The following RPH3AL variants were observed in gnomAD, a reference collection of about 807,000 sequenced individuals.
The protein encoded by RPH3AL is rab effector Noc2.
In RPH3AL, 38 loss-of-function variants were observed where a neutral mutation model predicts 43.1. That is an observed-to-expected ratio of 0.88 (90% CI 0.68 to 1.15). The LOEUF is 1.15. Ranked by LOEUF, RPH3AL falls within the 50% of genes most tolerant of loss-of-function variation. The pLI is 0.00. For synonymous variants in RPH3AL, 189 were observed against 176.3 expected, an observed-to-expected ratio of 1.07 and a Z score of -0.57; for missense variants, 462 against 423.2, an observed-to-expected ratio of 1.09 and a Z score of -0.81.
intron 8 of RPH3AL, among the ~76,000 whole-genome samples, chr17:219,333 G>A (rs111574358): frequency 2.0e-5 from 3 of 148,036 alleles, no homozygotes; most frequent in African/African-American, 7.5e-5. Flanking sequence ...CAAGTAGCTG[G>A]GATTACAGGC....
In RPH3AL at chr17:235,512, C is replaced by T. The variant is rs1308884750; in HGVS notation, c.613+11599G>A. Among the ~76,000 whole-genome samples the T allele has an allele frequency of 1.5e-3, 207 of 141,544 alleles. 9 individuals are homozygous for T. Among genetic ancestry groups the T allele is most frequent in the Non-Finnish European group, 1.8e-3 (116 of 63,986 alleles). 92.9% of individuals were successfully genotyped at this position (141,544 alleles called of 152,430 possible). A position where few individuals can be genotyped will look rare whatever the true frequency, so the allele number is the denominator to read the frequency against. ...AACAAGACGGATCCAGGGTTCAAAGCTGGGGTCGGCGGAGGCTCCACACTA... is the reference window on the plus strand; with the variant it reads ...AACAAGACGGATCCAGGGTTCAAAGTTGGGGTCGGCGGAGGCTCCACACTA... On this transcript the variant is annotated intron_variant, in intron 7 of 9. Transcript: ENST00000331302.
chr17:256,098 T>A (rs1168873704), intron 6 of RPH3AL, among the ~76,000 whole-genome samples: 2 of 16,368 alleles, frequency 1.2e-4, no homozygotes, highest in African/African-American at 3.2e-4. Flanking sequence ...GTGACTACCC[T>A]ACGTACTTCC....
intron 1 of RPH3AL, among the ~76,000 whole-genome samples, chr17:350,741 G>A (rs2045337659): frequency 6.6e-6 from 1 of 152,210 alleles, no homozygotes; most frequent in African/African-American, 2.4e-5. Flanking sequence ...CTAAAAGGAT[G>A]AAATGGGAAT....
intron 6 of RPH3AL, among the ~76,000 whole-genome samples, chr17:263,158 C>T (rs1376036103): frequency 6.6e-6 from 1 of 152,138 alleles, no homozygotes; most frequent in Non-Finnish European, 1.5e-5. Flanking sequence ...ACCATCTAGA[C>T]AAGGAGGGAG....
At chr17:243,719 C>CCTTCCTCTATTGATTA (rs2041655735) in intron 7 of RPH3AL, among the ~76,000 whole-genome samples, 1 of 77,284 alleles carries the variant, frequency 1.3e-5, no homozygotes, top group African/African-American at 5.5e-5. Context: ...CTATTGATTA[C>CCTTCCTCTATTGATTA]CCTTCCTCTA....
intron 6 of RPH3AL, among the ~76,000 whole-genome samples, chr17:263,103 AG>A (rs782558736): frequency 2.0e-5 from 3 of 152,320 alleles, no homozygotes; most frequent in Admixed American, 6.5e-5. Flanking sequence ...TTATAGCTAA[AG>A]AACAGAATCT....
intron 4 of RPH3AL, among the ~76,000 whole-genome samples, chr17:320,367 G>A (rs146166369): frequency 6.6e-6 from 1 of 152,128 alleles, no homozygotes; most frequent in Non-Finnish European, 1.5e-5. Context: ...CGGGCAGGGT[G>A]GCTCATGCCT....
At position 240,699 on chromosome 17, in the gene RPH3AL, C is replaced by T. The variant is rs142562935; in HGVS notation, c.613+6412G>A. 1.6e-3 allele frequency among the ~76,000 whole-genome samples: 250 copies of T among 152,286 alleles called. 1 individual carries two copies. The highest frequency in any genetic ancestry group is 5.8e-3 in the African/African-American group (241 of 41,564). ...TTTTATCCATTCATCAGCTGATGGA[C>T]GTATGAGTTGTTGCCACTTTTTGGT... On this transcript the variant is annotated intron_variant, in intron 7 of 9. Transcript: ENST00000331302.
Position 267,458 on chromosome 17 carries a change from C to T in RPH3AL, c.438+14310G>A, listed in dbSNP as rs115118028. Among the ~76,000 whole-genome samples, 872 of 152,314 alleles carry T rather than the reference C, an allele frequency of 5.7e-3. 14 individuals are homozygous for T. Among genetic ancestry groups the T allele is most frequent in the African/African-American group, 0.02 (824 of 41,568 alleles). On this transcript the variant is annotated intron_variant, in intron 6 of 9. Coordinates refer to ENST00000331302, the MANE Select transcript of RPH3AL (RefSeq NM_006987.4). ...TTAGACCGAGCCAGGTCTTTTCAGACGAGCGTCATGATTTTGATTCAATTC... is the reference window on the plus strand; with the variant it reads ...TTAGACCGAGCCAGGTCTTTTCAGATGAGCGTCATGATTTTGATTCAATTC...
At chr17:216,611 G>A (rs1381169086) in intron 8 of RPH3AL, among the ~76,000 whole-genome samples, 1 of 151,958 alleles carries the variant, frequency 6.6e-6, no homozygotes, top group African/African-American at 2.4e-5. Flanking sequence ...GAGGAGGAGG[G>A]GAGTATAAAG....
chr17:229,475 C>T (rs78969857), intron 7 of RPH3AL, among the ~76,000 whole-genome samples: 2 of 152,242 alleles, frequency 1.3e-5, no homozygotes, highest in Non-Finnish European at 2.9e-5. Context: ...GACCCCAGAC[C>T]CCATCTGTCA....
chr17:342,103 G>GA (rs1382425429), intron 1 of RPH3AL, among the ~76,000 whole-genome samples: 1 of 152,042 alleles, frequency 6.6e-6, no homozygotes, highest in Non-Finnish European at 1.5e-5. Context: ...AAAATCACAT[G>GA]AAAAAAGACT....
intron 6 of RPH3AL, among the ~76,000 whole-genome samples, chr17:273,067 G>A (rs1298150059): frequency 1.4e-5 from 2 of 146,332 alleles, no homozygotes; most frequent in African/African-American, 4.9e-5. Flanking sequence ...CCCAGCGAGG[G>A]CGACGTCAGG....
chr17:331,012 C>G (rs958738266), intron 2 of RPH3AL: 1 of 152,166 alleles, frequency 6.6e-6, no homozygotes, highest in African/African-American at 2.4e-5. Context: ...GGAGCAACCG[C>G]CTCCTGCAAT....
At chr17:315,946 C>T (rs2044129098) in intron 5 of RPH3AL, among the ~76,000 whole-genome samples, 1 of 148,944 alleles carries the variant, frequency 6.7e-6, no homozygotes, top group African/African-American at 2.6e-5. Context: ...CTCCATTGAC[C>T]TGTAGTCCCT....
intron 6 of RPH3AL, among the ~76,000 whole-genome samples, chr17:268,567 T>TG (rs1269412764): frequency 7.3e-6 from 1 of 136,472 alleles, no homozygotes; most frequent in Non-Finnish European, 1.6e-5. Flanking sequence ...TTTTTTTTTT[T>TG]TTTTTTTTTT....
At chr17:214,930 C>T (rs1017536903) in intron 9 of RPH3AL, among the ~76,000 whole-genome samples, 1 of 152,130 alleles carries the variant, frequency 6.6e-6, no homozygotes, top group African/African-American at 2.4e-5. Flanking sequence ...GCAGGGTCCA[C>T]TCCACAGCCA....
At chr17:330,049 GAGGGTGT>G (rs912131865) in intron 2 of RPH3AL, among the ~76,000 whole-genome samples, 13 of 152,358 alleles carry the variant, frequency 8.5e-5, no homozygotes, top group African/African-American at 3.1e-4. Flanking sequence ...TGGATCTCCG[GAGGGTGT>G]TGGGGGACCC....
At chr17:310,535 C>T (rs530644850) in intron 5 of RPH3AL, among the ~76,000 whole-genome samples, 13 of 152,238 alleles carry the variant, frequency 8.5e-5, no homozygotes, top group South Asian at 6.2e-4. Flanking sequence ...TGCAGCCATC[C>T]GCAGAAGGTG....
Sources: gnomAD v4.1 joint callset for allele counts (sites outside exome capture counted in the v4.1 genomes callset) on GRCh38, gnomAD v4.1.1 for gene constraint, MANE v1.5 for transcripts, NCBI Gene and HGNC (gene_info 2026-07-23, HGNC 2026-07-21) for gene names.